KCNH8: variants seen among roughly 807,000 people sequenced by gnomAD.
KCNH8 encodes the protein voltage-gated delayed rectifier potassium channel KCNH8.
A neutral mutation model predicts 103.6 loss-of-function variants in KCNH8; 70 were observed. That is an observed-to-expected ratio of 0.68 (90% CI 0.56 to 0.82). KCNH8 has a LOEUF of 0.82. KCNH8 is among the 40% of genes least tolerant of loss of function. The pLI is 0.00. For synonymous variants in KCNH8, 498 were observed against 489.4 expected, an observed-to-expected ratio of 1.02 and a Z score of -0.23; for missense variants, 1,217 against 1,329.9, an observed-to-expected ratio of 0.92 and a Z score of 1.32.
intron 15 of KCNH8, among the ~76,000 whole-genome samples, chr3:19,523,727 C>T (rs2069012830): frequency 6.6e-6 from 1 of 151,830 alleles, no homozygotes. Context: ...TTTGTATATC[C>T]TAAAAGAAAT....
intron 3 of KCNH8, among the ~76,000 whole-genome samples, chr3:19,289,266 A>G (rs967618377): frequency 1.3e-5 from 2 of 151,910 alleles, no homozygotes; most frequent in African/African-American, 4.8e-5. Context: ...TTTTGTTGCC[A>G]TTGCTTTTGG....
intron 11 of KCNH8, among the ~76,000 whole-genome samples, chr3:19,495,139 T>A (rs2068411841): frequency 6.6e-6 from 1 of 152,168 alleles, no homozygotes; most frequent in Admixed American, 6.5e-5. Context: ...TTTTCTCCCA[T>A]TCCGTAGGTT....
chr3:19,511,699 C>G (rs2068786073), intron 12 of KCNH8, among the ~76,000 whole-genome samples: 1 of 151,992 alleles, frequency 6.6e-6, no homozygotes, highest in Non-Finnish European at 1.5e-5. Context: ...AAAGTATGCC[C>G]TCGTCATTAA....
intron 7 of KCNH8, among the ~76,000 whole-genome samples, chr3:19,431,410 A>G (rs2067119609): frequency 6.6e-6 from 1 of 152,150 alleles, no homozygotes; most frequent in African/African-American, 2.4e-5. Context: ...GAGTTTTTGC[A>G]TCGATGTTCA....
intron 4 of KCNH8, 44 bp downstream of exon 4, chr3:19,342,758 G>C: frequency 1.3e-6 from 2 of 1,538,170 alleles, no homozygotes; most frequent in Non-Finnish European, 1.8e-6. Flanking sequence ...TGTTTCCCCT[G>C]GTGGCAATGT....
chr3:19,195,100 T>C (rs1428831304), intron 1 of KCNH8, among the ~76,000 whole-genome samples: 1 of 151,784 alleles, frequency 6.6e-6, no homozygotes, highest in Non-Finnish European at 1.5e-5. Context: ...ATCAAATTTT[T>C]CCCTGACCCT....
chr3:19,258,978 T>G (rs1207191336), intron 2 of KCNH8, among the ~76,000 whole-genome samples: 1 of 137,374 alleles, frequency 7.3e-6, no homozygotes, highest in Non-Finnish European at 1.6e-5. Flanking sequence ...TATATATATA[T>G]ATATCTGGAA....
chr3:19,239,317 C>A (rs1036633750), intron 1 of KCNH8, among the ~76,000 whole-genome samples: 4 of 152,058 alleles, frequency 2.6e-5, no homozygotes, highest in Non-Finnish European at 5.9e-5. Flanking sequence ...GTCCTGGACA[C>A]CACAATCACA....
intron 1 of KCNH8, among the ~76,000 whole-genome samples, chr3:19,208,819 TC>T (rs554929317): frequency 5.1e-4 from 78 of 152,072 alleles, no homozygotes; most frequent in African/African-American, 1.7e-3. Flanking sequence ...GAGAAATTTT[TC>T]CTCTTTATGG....
intron 5 of KCNH8, among the ~76,000 whole-genome samples, chr3:19,354,797 A>T (rs975899409): frequency 5.3e-5 from 8 of 152,304 alleles, no homozygotes; most frequent in Non-Finnish European, 1.0e-4. Flanking sequence ...AACCTAGGCA[A>T]TACCATTCAG....
intron 2 of KCNH8, among the ~76,000 whole-genome samples, chr3:19,267,037 C>A (rs2064522355): frequency 6.6e-6 from 1 of 152,034 alleles, no homozygotes; most frequent in African/African-American, 2.4e-5. Context: ...CATTTTAATT[C>A]AGGCATGTGG....
At chr3:19,496,422 A>C (rs987726157) in intron 11 of KCNH8, among the ~76,000 whole-genome samples, 7 of 152,184 alleles carry the variant, frequency 4.6e-5, no homozygotes, top group African/African-American at 1.7e-4. Context: ...GAATTTTATC[A>C]AAAGACTTTT....
intron 1 of KCNH8, among the ~76,000 whole-genome samples, chr3:19,211,930 A>T (rs976137896): frequency 6.6e-6 from 1 of 152,190 alleles, no homozygotes; most frequent in South Asian, 2.1e-4. Context: ...TATGTTAATC[A>T]CTGAATTTGG....
intron 2 of KCNH8, among the ~76,000 whole-genome samples, chr3:19,265,321 G>A (rs1357074428): frequency 6.6e-6 from 1 of 152,082 alleles, no homozygotes; most frequent in Non-Finnish European, 1.5e-5. Context: ...TGAAAGTGCA[G>A]ATGCCTTTGT....
At chr3:19,298,024 T>C (rs1461542378) in intron 3 of KCNH8, among the ~76,000 whole-genome samples, 3 of 152,334 alleles carry the variant, frequency 2.0e-5, no homozygotes, top group Admixed American at 1.3e-4. Context: ...ATCACTCTTA[T>C]GCAATTGTAC....
At chr3:19,201,231 C>CAAAAA (rs1170312203) in intron 1 of KCNH8, among the ~76,000 whole-genome samples, 1,912 of 22,032 alleles carry the variant, frequency 0.087, 725 homozygotes, top group East Asian at 0.17. Context: ...GACTCTGCCT[C>CAAAAA]AAAAAAAAAA....
chr3:19,245,117 T>G (rs924088787), intron 1 of KCNH8, among the ~76,000 whole-genome samples: 1 of 152,194 alleles, frequency 6.6e-6, no homozygotes, highest in Non-Finnish European at 1.5e-5. Flanking sequence ...TGAATCCAAC[T>G]TGAGTTAACT....
chr3:19,321,555 A>C (rs1053409391), intron 3 of KCNH8, among the ~76,000 whole-genome samples: 1 of 151,822 alleles, frequency 6.6e-6, no homozygotes, highest in Middle Eastern at 3.2e-3. Context: ...TACTTGATAT[A>C]ATTTCTATTT....
At chr3:19,350,636 C>G (rs1017970134) in intron 5 of KCNH8, among the ~76,000 whole-genome samples, 1 of 151,664 alleles carries the variant, frequency 6.6e-6, no homozygotes, top group Non-Finnish European at 1.5e-5. Context: ...GGACCTCCAG[C>G]AAACTCCAAC....
Sources: gnomAD v4.1 joint callset for allele counts (sites outside exome capture counted in the v4.1 genomes callset) on GRCh38, gnomAD v4.1.1 for gene constraint, MANE v1.5 for transcripts, NCBI Gene and HGNC (gene_info 2026-07-23, HGNC 2026-07-21) for gene names.